Variants in SCFD2 observed in about 807,000 individuals in gnomAD.
SCFD2 encodes the protein sec1 family domain-containing protein 2.
In SCFD2, 54 loss-of-function variants were observed where a neutral mutation model predicts 58.9. The ratio of observed to expected loss-of-function variants is 0.92; its 90% CI spans 0.74 to 1.15. SCFD2 has a LOEUF of 1.15. Ranked by LOEUF, SCFD2 falls within the 50% of genes most tolerant of loss-of-function variation. The pLI is 0.00. For synonymous variants in SCFD2, 321 were observed against 335.9 expected (o/e 0.96, Z 0.49); for missense variants, 805 against 836.6 (o/e 0.96, Z 0.47).
intron 5 of SCFD2, among the ~76,000 whole-genome samples, chr4:53,120,242 C>T (rs1289196957): frequency 6.6e-6 from 1 of 152,172 alleles, no homozygotes; most frequent in African/African-American, 2.4e-5. Flanking sequence ...CTTAGTGGCA[C>T]ATTTTTATAA....
At chr4:52,941,310 T>A (rs1395350529) in intron 5 of SCFD2, among the ~76,000 whole-genome samples, 1 of 152,164 alleles carries the variant, frequency 6.6e-6, no homozygotes, top group African/African-American at 2.4e-5. Context: ...CAAATAGATA[T>A]GTAAGTAAAT....
At chr4:53,115,950 T>C (rs1725306410) in intron 5 of SCFD2, among the ~76,000 whole-genome samples, 1 of 152,136 alleles carries the variant, frequency 6.6e-6, no homozygotes, top group Admixed American at 6.6e-5. Flanking sequence ...TATCACTATT[T>C]ATTTTGGGTA....
chr4:53,273,601 T>C (rs1283800312), intron 4 of SCFD2: 5 of 405,976 alleles, frequency 1.2e-5, no homozygotes, highest in Non-Finnish European at 1.3e-5. Context: ...AAAACATCCT[T>C]GGTATTAAAT....
At chr4:53,262,989 C>T (rs566806545) in intron 4 of SCFD2, among the ~76,000 whole-genome samples, 3 of 152,044 alleles carry the variant, frequency 2.0e-5, no homozygotes, top group South Asian at 2.1e-4. Context: ...TGGGTTAATT[C>T]GAAAGCCTTG....
chr4:53,063,976 C>T (rs1159618036), intron 5 of SCFD2, among the ~76,000 whole-genome samples: 6 of 151,946 alleles, frequency 3.9e-5, no homozygotes, highest in African/African-American at 1.4e-4. Flanking sequence ...TCCACCTTCC[C>T]TCCCTCTCTC....
chr4:53,334,864 T>C (rs13137917), intron 2 of SCFD2, among the ~76,000 whole-genome samples: 148,945 of 152,324 alleles, frequency 0.98, 72,915 homozygotes, highest in Middle Eastern at 1. Context: ...CTAACATCAC[T>C]ATAAGTGGAC....
chr4:53,014,206 A>C (rs1370253943), intron 5 of SCFD2, among the ~76,000 whole-genome samples: 3 of 152,176 alleles, frequency 2.0e-5, no homozygotes, highest in Non-Finnish European at 4.4e-5. Context: ...CCAGGGTGAA[A>C]GGAGTTGGTA....
chr4:53,085,965 G>A (rs1416881853), intron 5 of SCFD2, among the ~76,000 whole-genome samples: 3 of 152,082 alleles, frequency 2.0e-5, no homozygotes, highest in Non-Finnish European at 4.4e-5. Flanking sequence ...AACTCTCCAG[G>A]AAATTGATTT....
chr4:53,106,136 T>C (rs939650059), intron 5 of SCFD2, among the ~76,000 whole-genome samples: 1 of 151,960 alleles, frequency 6.6e-6, no homozygotes, highest in Non-Finnish European at 1.5e-5. Context: ...GCCTGACTGT[T>C]TAGAAGGAAA....
At chr4:53,295,742 T>C (rs1483390168) in intron 3 of SCFD2, among the ~76,000 whole-genome samples, 1 of 152,044 alleles carries the variant, frequency 6.6e-6, no homozygotes, top group East Asian at 1.9e-4. Flanking sequence ...CTTCCAGTTT[T>C]TGCCCATTCA....
chr4:53,004,111 C>T (rs913439629), intron 5 of SCFD2, among the ~76,000 whole-genome samples: 6 of 152,174 alleles, frequency 3.9e-5, no homozygotes, highest in Non-Finnish European at 5.9e-5. Flanking sequence ...TAAAAAGAAG[C>T]AGTACTTAGG....
At chr4:53,329,809 G>C in intron 2 of SCFD2, among the ~76,000 whole-genome samples, 1 of 151,854 alleles carries the variant, frequency 6.6e-6, no homozygotes, top group East Asian at 1.9e-4. Flanking sequence ...GCTACGGGAG[G>C]ACACTCAAAC....
At chr4:53,352,518 T>C (rs1734252287) in intron 2 of SCFD2, 80 bp downstream of exon 2, 1 of 1,156,284 alleles carries the variant, frequency 8.6e-7, no homozygotes, top group Admixed American at 2.5e-5. Flanking sequence ...ATTGCTTTTT[T>C]CCTATGGGAA....
At chr4:53,271,782 A>C (rs1577919195) in intron 4 of SCFD2, among the ~76,000 whole-genome samples, 1 of 152,078 alleles carries the variant, frequency 6.6e-6, no homozygotes, top group East Asian at 1.9e-4. Context: ...GGATTATCTT[A>C]AAAATAGAAA....
chr4:53,295,130 T>A (rs888491803), intron 3 of SCFD2, among the ~76,000 whole-genome samples: 5 of 152,220 alleles, frequency 3.3e-5, no homozygotes, highest in African/African-American at 1.2e-4. Flanking sequence ...AGACTCTTTT[T>A]TGGTTCCATA....
chr4:53,248,823 A>G (rs187085344), intron 4 of SCFD2, among the ~76,000 whole-genome samples: 2,008 of 152,310 alleles, frequency 0.013, 42 homozygotes, highest in African/African-American at 0.046. Flanking sequence ...ATCATCAAAG[A>G]CCAAAAGTAG....
At chr4:53,086,850 AC>A (rs1466709786) in intron 5 of SCFD2, among the ~76,000 whole-genome samples, 2 of 152,090 alleles carry the variant, frequency 1.3e-5, no homozygotes, top group Non-Finnish European at 2.9e-5. Context: ...ACTCATGGAG[AC>A]AGAAAGTAGA....
chr4:53,361,449 T>C (rs1391493041), intron 1 of SCFD2, among the ~76,000 whole-genome samples: 1 of 152,186 alleles, frequency 6.6e-6, no homozygotes, highest in Non-Finnish European at 1.5e-5. Flanking sequence ...CAGACTGGAG[T>C]GCAATGGCAC....
At chr4:53,181,990 A>G in intron 4 of SCFD2, among the ~76,000 whole-genome samples, 1 of 152,342 alleles carries the variant, frequency 6.6e-6, no homozygotes, top group South Asian at 2.1e-4. Context: ...CCACTGCTCA[A>G]GGAAATAAAA....
Sources: allele counts gnomAD v4.1 joint callset (sites outside exome capture counted in the v4.1 genomes callset), GRCh38; gene constraint gnomAD v4.1.1; transcripts MANE v1.5; gene names NCBI Gene and HGNC (gene_info 2026-07-23, HGNC 2026-07-21).